The following WDR59 variants were observed in gnomAD, a reference collection of about 807,000 sequenced individuals.
WDR59 encodes the protein GATOR2 complex protein WDR59.
A neutral mutation model predicts 131.2 loss-of-function variants in WDR59; 100 were observed. That is an observed-to-expected ratio of 0.76 (90% CI 0.65 to 0.90). The LOEUF is 0.90. Among genes scored for constraint, WDR59 ranks in the 40% least tolerant of loss-of-function variants. WDR59 has a pLI of 0.00. For synonymous variants in WDR59, 601 were observed against 466.2 expected (o/e 1.29, Z -3.72); for missense variants, 1,203 against 1,262.2 (o/e 0.95, Z 0.71).
At chr16:74,943,928 T>G (rs2032418349) in intron 6 of WDR59, among the ~76,000 whole-genome samples, 1 of 152,188 alleles carries the variant, frequency 6.6e-6, no homozygotes, top group South Asian at 2.1e-4. Flanking sequence ...GTATCTTATG[T>G]CATCTAGAAC....
chr16:74,914,076 G>A (rs965814400), intron 13 of WDR59, among the ~76,000 whole-genome samples: 1 of 152,280 alleles, frequency 6.6e-6, no homozygotes, highest in East Asian at 1.9e-4. Flanking sequence ...GCTGAGCGTG[G>A]TGGCGTGCGC....
chr16:74,888,024 A>C, intron 22 of WDR59, 145 bp downstream of exon 22: 1 of 1,092,388 alleles, frequency 9.2e-7, no homozygotes, highest in Non-Finnish European at 1.3e-6. Flanking sequence ...AGGCTGAGGC[A>C]CGAGAATTGC....
intron 6 of WDR59, among the ~76,000 whole-genome samples, chr16:74,945,273 G>A (rs888499425): frequency 5.6e-4 from 85 of 151,892 alleles, no homozygotes; most frequent in Admixed American, 1.4e-3. Context: ...TCAGGAGATC[G>A]AGACCATCCT....
chr16:74,912,155 T>C lies in WDR59; in HGVS notation c.1389+43A>G, dbSNP rs112443135. On this transcript the variant is annotated intron_variant, in intron 14 of 25. Coordinates refer to ENST00000262144, the MANE Select transcript of WDR59 (RefSeq NM_030581.4). ...CTTCTTTACTAATCCATCTAGACAA[T>C]GATGCAGAACAGCAAGGAGAATTTG... 2,373 of 1,613,318 alleles carry C rather than the reference T, an allele frequency of 1.5e-3. 29 individuals are homozygous for C. In the African/African-American group the frequency reaches 0.025, roughly 17 times the overall value.
rs779353783 is a variant in WDR59, at chr16:74,874,372, G to C, written c.2762C>G (p.Thr921Arg). The change falls in exon 26 of 26, where the codon ACG (threonine) becomes AGG (arginine). Residue 921 changes from threonine (T) to arginine (R), a missense_variant. By Grantham distance (71) the Thr-to-Arg change is moderately conservative. Transcript: ENST00000262144. The stretch of plus-strand genomic sequence containing the variant: ...CACGTGACAGATGGCACACTGGAAC[G>C]TGAAGCCTTTGCAGATGGCACACTG... ...GTQCAICKGF[T>R]FQCAICHVAV... 2.5e-6 allele frequency: 4 copies of C among 1,613,986 alleles called. No homozygotes were observed. In the African/African-American group the frequency reaches 5.3e-5, roughly 22 times the overall value.
chr16:74,888,393 G>A (rs1247788149), intron 21 of WDR59, 74 bp from the exon 22 acceptor site: 20 of 1,451,934 alleles, frequency 1.4e-5, no homozygotes, highest in Middle Eastern at 1.9e-4. Context: ...CAGTCATGGC[G>A]TGTTACTGCC....
At chr16:74,935,646 T>G (rs1202479392) in intron 8 of WDR59, among the ~76,000 whole-genome samples, 1 of 152,138 alleles carries the variant, frequency 6.6e-6, no homozygotes, top group Non-Finnish European at 1.5e-5. Flanking sequence ...TTGGTCCTTA[T>G]CTACTAAAAA....
rs564747100 is a variant in WDR59, at chr16:74,985,086, C to G, written c.-69G>C. 6.9e-7 allele frequency: 1 copy of G among 1,449,380 alleles called. No individual in the cohort carries two copies. The highest frequency in any genetic ancestry group is 2.0e-5 in the Admixed American group (1 of 50,716). 89.8% of individuals were successfully genotyped at this position (1,449,380 alleles called of 1,614,324 possible). On this transcript the variant is annotated 5_prime_UTR_variant, in exon 1 of 26. Coordinates refer to ENST00000262144, the MANE Select transcript of WDR59 (RefSeq NM_030581.4). The stretch of plus-strand genomic sequence containing the variant: ...CCCCGCCGTCCCCAGTATCCCGGGA[C>G]CGTGCGCCCCACACAGCCAGAGAAT...
intron 6 of WDR59, among the ~76,000 whole-genome samples, chr16:74,945,017 G>A (rs1174892240): frequency 7.2e-5 from 11 of 151,960 alleles, no homozygotes; most frequent in Admixed American, 5.2e-4. Flanking sequence ...CCAGCTGCTC[G>A]GGAGGCTGAG....
intron 23 of WDR59, 176 bp from the exon 24 acceptor site, chr16:74,886,572 G>A (rs771522237): frequency 1.9e-4 from 149 of 771,156 alleles, no homozygotes; most frequent in Non-Finnish European, 2.5e-4. Flanking sequence ...GCCTTTTTGC[G>A]CAGGTATTTA....
rs746222149 is a variant in WDR59, at chr16:74,874,212, G to C, written c.2922C>G (p.Phe974Leu). 6 of 1,613,378 alleles carry C rather than the reference G, an allele frequency of 3.7e-6. No individual in the cohort carries two copies. The South Asian group carries it at 4.4e-5, about 12-fold the overall frequency. The change falls in exon 26 of 26, where the codon TTC (phenylalanine) becomes TTG (leucine). Residue 974 changes from phenylalanine (F) to leucine (L), a missense_variant. By Grantham distance (22) the Phe-to-Leu change is conservative (BLOSUM62 0). Coordinates refer to ENST00000262144, the MANE Select transcript of WDR59 (RefSeq NM_030581.4). Reference protein sequence around the residue: ...CGCHCLLESTF With the variant: ...CGCHCLLESTL ...ACAATACCCAACTTCTGTAGGTTCA[G>C]AAAGTGCTTTCAAGCAGGCAGTGGC...
chr16:74,980,661 A>G (rs1457456350), intron 1 of WDR59, among the ~76,000 whole-genome samples: 1 of 151,462 alleles, frequency 6.6e-6, no homozygotes, highest in East Asian at 1.9e-4. Context: ...CAAAAAATCT[A>G]AAAGTTTTAA....
At chr16:74,898,869 G>A (rs1178660680) in intron 18 of WDR59, among the ~76,000 whole-genome samples, 1 of 152,224 alleles carries the variant, frequency 6.6e-6, no homozygotes, top group Non-Finnish European at 1.5e-5. Flanking sequence ...TTTGGAAGGT[G>A]GCCCCGTTGG....
chr16:74,952,445 CAAAAAAAA>C (rs61448932), intron 3 of WDR59, among the ~76,000 whole-genome samples: 86 of 62,704 alleles, frequency 1.4e-3, no homozygotes, highest in African/African-American at 3.3e-3. Flanking sequence ...CCATCTCAAA[CAAAAAAAA>C]AAAAAAAAAA....
intron 1 of WDR59, among the ~76,000 whole-genome samples, chr16:74,981,647 T>TAC (rs1205414952): frequency 2.7e-4 from 2 of 7,502 alleles, no homozygotes; most frequent in South Asian, 6.3e-3. Context: ...TATATATATA[T>TAC]ATATATATAT....
Position 74,932,087 on chromosome 16 carries a change from ATTTAT to A in WDR59, c.651+6058_651+6062del, listed in dbSNP as rs536700940. ...TAATTTTATATATACACATATATAT[ATTTAT>A]TTTATTTATTTATTTTTTTAAGAGA... On this transcript the variant is annotated intron_variant, in intron 8 of 25. Transcript: ENST00000262144. 2.6e-3 allele frequency among the ~76,000 whole-genome samples: 390 copies of A among 149,856 alleles called. 1 individual carries two copies. Among genetic ancestry groups the A allele is most frequent in the African/African-American group, 8.9e-3 (364 of 41,122 alleles).
Position 74,971,774 on chromosome 16 carries a change from G to C in WDR59, c.55-5952C>G, listed in dbSNP as rs114923925. ...ACTCTGTCGCCAAGGCTGGAGTGCA[G>C]TGGTACTCACTGTAACCCCAAACTT... is the stretch of plus-strand genomic sequence containing the variant. On this transcript the variant is annotated intron_variant, in intron 1 of 25. Transcript: ENST00000262144. Among the ~76,000 whole-genome samples, 1,178 of 152,270 alleles carry C rather than the reference G, an allele frequency of 7.7e-3. 24 individuals carry two copies. The highest frequency in any genetic ancestry group is 0.027 in the African/African-American group (1,123 of 41,546).
intron 18 of WDR59, among the ~76,000 whole-genome samples, chr16:74,900,740 G>T (rs1490642197): frequency 1.3e-5 from 2 of 152,204 alleles, no homozygotes; most frequent in African/African-American, 4.8e-5. Context: ...AACCTAAGTA[G>T]GGCAGGTTAA....
rs2032337700 is a variant in WDR59, at chr16:74,942,836, A to C, written c.446-10T>G. On this transcript the variant is annotated splice_polypyrimidine_tract_variant and intron_variant, in intron 6 of 25. Transcript: ENST00000262144. ...ACCTGGGAGGCACCCGCTGCAAAGA[A>C]AAATCAGGGAAGAAAGCTGCTGCCC... The C allele has an allele frequency of 6.2e-7, 1 of 1,613,160 alleles. No homozygotes were observed. The highest frequency in any genetic ancestry group is 1.3e-5 in the African/African-American group (1 of 74,900).
Sources: allele counts gnomAD v4.1 joint callset (sites outside exome capture counted in the v4.1 genomes callset), GRCh38; gene constraint gnomAD v4.1.1; transcripts MANE v1.5; gene names NCBI Gene and HGNC (gene_info 2026-07-23, HGNC 2026-07-21).